MRPS31: variants seen among roughly 807,000 people sequenced by gnomAD.
MRPS31 encodes the protein small ribosomal subunit protein mS31.
MRPS31 carries 32 observed loss-of-function variants against 43.1 expected under a neutral mutation model. The observed-to-expected ratio is 0.74, with a 90% CI of 0.56 to 1.00. The LOEUF (loss-of-function observed/expected upper bound fraction) is 1.00, where lower values mean the gene tolerates loss of function less well. Among genes scored for constraint, MRPS31 ranks in the 50% least tolerant of loss-of-function variants. The probability of loss-of-function intolerance (pLI) is 0.00; values close to 1 mark genes in which losing one functional copy is unlikely to be tolerated. For missense variants in MRPS31, 437 were observed against 466.7 expected, an observed-to-expected ratio of 0.94 and a Z score of 0.59; for synonymous variants, 165 against 161.6, an observed-to-expected ratio of 1.02 and a Z score of -0.16.
chr13:40,750,774 T>TATATATATA (rs1880368803), intron 5 of MRPS31, among the ~76,000 whole-genome samples: 1 of 127,976 alleles, frequency 7.8e-6, no homozygotes, highest in African/African-American at 3.1e-5. Context: ...ATATATATAT[T>TATATATATA]ACATATATAT....
intron 2 of MRPS31, 50 bp from the exon 3 acceptor site, chr13:40,759,156 G>T: frequency 7.0e-7 from 1 of 1,436,698 alleles, no homozygotes. Flanking sequence ...AAGAGAGATT[G>T]GCCAGGTGCG....
intron 6 of MRPS31, among the ~76,000 whole-genome samples, chr13:40,738,591 T>G (rs1879991597): frequency 6.6e-6 from 1 of 152,148 alleles, no homozygotes; most frequent in South Asian, 2.1e-4. Flanking sequence ...TTATCCATCA[T>G]GATCAAGTGG....
intron 4 of MRPS31, among the ~76,000 whole-genome samples, chr13:40,755,964 A>G (rs1370660880): frequency 1.3e-5 from 2 of 152,218 alleles, no homozygotes; most frequent in African/African-American, 4.8e-5. Context: ...AATATGTAAC[A>G]GATGCTAAAT....
Position 40,738,401 on chromosome 13 carries a change from C to G in MRPS31, c.959-8800G>C, listed in dbSNP as rs908331131. On this transcript the variant is annotated intron_variant, in intron 6 of 6. Transcript: ENST00000323563. Reference sequence around the variant, plus strand: ...CCATTCCTTCTGAAATTATTCCAATCAATAGAAAAAGAGGGAATCCTCCCT... The same window carrying G: ...CCATTCCTTCTGAAATTATTCCAATGAATAGAAAAAGAGGGAATCCTCCCT... 1.5e-3 allele frequency among the ~76,000 whole-genome samples: 227 copies of G among 152,028 alleles called. 1 individual carries two copies. Among genetic ancestry groups the G allele is most frequent in the African/African-American group, 5.1e-3 (212 of 41,474 alleles).
At position 40,748,222 on chromosome 13, in the gene MRPS31, A is replaced by G. The variant is rs1268345355; in HGVS notation, c.958+916T>C. ...GCCCAGGCTGGAGTGCAATAGCGTGATCTCGGCTCACTGCAACTTCTGCCT... is the reference window on the plus strand; with the variant it reads ...GCCCAGGCTGGAGTGCAATAGCGTGGTCTCGGCTCACTGCAACTTCTGCCT... On this transcript the variant is annotated intron_variant, in intron 6 of 6. Transcript: ENST00000323563. 2.6e-5 allele frequency among the ~76,000 whole-genome samples: 4 copies of G among 152,272 alleles called. No individual in the cohort carries two copies. The East Asian group carries it at 7.7e-4, about 29-fold the overall frequency.
intron 2 of MRPS31, among the ~76,000 whole-genome samples, chr13:40,764,639 G>C (rs1334882984): frequency 6.6e-6 from 1 of 152,124 alleles, no homozygotes; most frequent in African/African-American, 2.4e-5. Context: ...ACCCGCCCTG[G>C]AACCCAGCCA....
chr13:40,755,064 G>A (rs1880493972), intron 4 of MRPS31, among the ~76,000 whole-genome samples: 1 of 151,940 alleles, frequency 6.6e-6, no homozygotes, highest in Non-Finnish European at 1.5e-5. Context: ...TAAACTGGAG[G>A]GTTAGTTTTA....
chr13:40,732,155 C>T (rs1415708467), intron 6 of MRPS31, among the ~76,000 whole-genome samples: 2 of 152,194 alleles, frequency 1.3e-5, no homozygotes, highest in Non-Finnish European at 2.9e-5. Flanking sequence ...GAAGATTTCT[C>T]ATTGGAGAAA....
At chr13:40,740,701 C>T (rs1334793655) in intron 6 of MRPS31, among the ~76,000 whole-genome samples, 1 of 142,606 alleles carries the variant, frequency 7.0e-6, no homozygotes, top group Admixed American at 7.2e-5. Flanking sequence ...AAACCAAACA[C>T]CGCATATTCT....
At chr13:40,761,932 AAAAG>A (rs1555260135) in intron 2 of MRPS31, among the ~76,000 whole-genome samples, 130 of 151,794 alleles carry the variant, frequency 8.6e-4, no homozygotes, top group Middle Eastern at 3.4e-3. Flanking sequence ...AAAAAAAAAA[AAAAG>A]AAAGAAAGAA....
intron 2 of MRPS31, among the ~76,000 whole-genome samples, chr13:40,759,494 T>A (rs1414288372): frequency 1.3e-5 from 2 of 152,080 alleles, no homozygotes; most frequent in African/African-American, 4.8e-5. Context: ...AGAGATTGCT[T>A]ATTACACCAT....
At chr13:40,765,198 A>G in intron 2 of MRPS31, among the ~76,000 whole-genome samples, 1 of 152,220 alleles carries the variant, frequency 6.6e-6, no homozygotes, top group East Asian at 1.9e-4. Context: ...TAGAGGTTCT[A>G]AGACACATCT....
At chr13:40,753,443 C>A (rs541519181) in intron 5 of MRPS31, among the ~76,000 whole-genome samples, 1 of 152,186 alleles carries the variant, frequency 6.6e-6, no homozygotes, top group African/African-American at 2.4e-5. Flanking sequence ...ACTTACCTCC[C>A]GCTGTCTCAC....
At chr13:40,745,861 A>T (rs767779802) in intron 6 of MRPS31, among the ~76,000 whole-genome samples, 3 of 152,210 alleles carry the variant, frequency 2.0e-5, no homozygotes, top group Admixed American at 1.3e-4. Context: ...AGGCTAAAAT[A>T]AAAATGTATC....
chr13:40,767,188 G>A (rs555660721), intron 1 of MRPS31, among the ~76,000 whole-genome samples, 155 bp from the exon 2 acceptor site: 2 of 147,040 alleles, frequency 1.4e-5, no homozygotes, highest in African/African-American at 5.0e-5. Flanking sequence ...ACGGAGTTTC[G>A]CTCTTGTTGC....
chr13:40,733,687 G>C (rs545375803), intron 6 of MRPS31, among the ~76,000 whole-genome samples: 1 of 152,282 alleles, frequency 6.6e-6, no homozygotes, highest in Non-Finnish European at 1.5e-5. Flanking sequence ...ACAGTGGAGT[G>C]GCTGGGCACG....
intron 2 of MRPS31, among the ~76,000 whole-genome samples, chr13:40,763,838 T>C (rs1392688437): frequency 2.0e-5 from 3 of 152,190 alleles, no homozygotes; most frequent in Non-Finnish European, 4.4e-5. Flanking sequence ...TCAAGACATT[T>C]GTCTGCGGAA....
chr13:40,766,708 G>A, intron 2 of MRPS31, 38 bp downstream of exon 2: 1 of 1,537,180 alleles, frequency 6.5e-7, no homozygotes, highest in Non-Finnish European at 8.7e-7. Flanking sequence ...AAAGCTTACT[G>A]GAGTTTCAAA....
At chr13:40,747,052 A>G (rs1169985404) in intron 6 of MRPS31, among the ~76,000 whole-genome samples, 1 of 152,066 alleles carries the variant, frequency 6.6e-6, no homozygotes, top group African/African-American at 2.4e-5. Context: ...TCACATTATT[A>G]TACCTCAATA....
Sources: gnomAD v4.1 joint callset for allele counts (sites outside exome capture counted in the v4.1 genomes callset) on GRCh38, gnomAD v4.1.1 for gene constraint, MANE v1.5 for transcripts, NCBI Gene and HGNC (gene_info 2026-07-23, HGNC 2026-07-21) for gene names.